Variants in EPHA6 observed in about 807,000 individuals in gnomAD.
EPHA6 encodes the protein ephrin type-A receptor 6.
A neutral mutation model predicts 112.0 loss-of-function variants in EPHA6; 50 were observed. That is an observed-to-expected ratio of 0.45 (90% CI 0.36 to 0.56). The LOEUF is 0.56. Ranked by LOEUF, EPHA6 falls within the 20% of genes least tolerant of loss-of-function variation. The pLI, the probability that EPHA6 is intolerant of heterozygous loss-of-function variation, is 0.00. For missense variants in EPHA6, 1,280 were observed against 1,417.4 expected, an observed-to-expected ratio of 0.90 and a Z score of 1.56; for synonymous variants, 529 against 490.7, an observed-to-expected ratio of 1.08 and a Z score of -1.03.
At chr3:97,098,388 T>C (rs1175568279) in intron 3 of EPHA6, among the ~76,000 whole-genome samples, 1 of 151,964 alleles carries the variant, frequency 6.6e-6, no homozygotes, top group Non-Finnish European at 1.5e-5. Context: ...TAACTTTTGA[T>C]ATGTAGAATT....
At chr3:97,334,714 A>G (rs1303535225) in intron 5 of EPHA6, among the ~76,000 whole-genome samples, 1 of 152,042 alleles carries the variant, frequency 6.6e-6, no homozygotes, top group Non-Finnish European at 1.5e-5. Context: ...GGTCTCTTTC[A>G]TCCTTGTTGA....
chr3:97,709,031 G>T (rs1214923820), intron 14 of EPHA6, among the ~76,000 whole-genome samples: 1 of 152,134 alleles, frequency 6.6e-6, no homozygotes, highest in Admixed American at 6.5e-5. Flanking sequence ...CAATGTAGAG[G>T]GAAAATGTGG....
At chr3:97,559,661 G>A (rs1011466440) in intron 11 of EPHA6, 4 of 454,888 alleles carry the variant, frequency 8.8e-6, no homozygotes, top group African/African-American at 6.0e-5. Flanking sequence ...AGTAAATCAA[G>A]GTACCTGAAA....
chr3:97,567,740 G>A (rs189548674), intron 11 of EPHA6, among the ~76,000 whole-genome samples: 3 of 152,192 alleles, frequency 2.0e-5, no homozygotes, highest in East Asian at 1.9e-4. Context: ...ACCCATGAAC[G>A]TGCAGCCACA....
At chr3:97,736,446 GTA>G in intron 16 of EPHA6, among the ~76,000 whole-genome samples, 1 of 84,296 alleles carries the variant, frequency 1.2e-5, no homozygotes, top group Non-Finnish European at 2.6e-5. Context: ...ACCTTTAGAA[GTA>G]GAGAGAGAGA....
intron 3 of EPHA6, among the ~76,000 whole-genome samples, chr3:97,215,232 G>T (rs2077998737): frequency 6.6e-6 from 1 of 152,132 alleles, no homozygotes; most frequent in South Asian, 2.1e-4. Context: ...TAAAAACACT[G>T]CTAACAATAT....
At chr3:96,976,039 G>A (rs1051633428) in intron 2 of EPHA6, among the ~76,000 whole-genome samples, 3 of 152,022 alleles carry the variant, frequency 2.0e-5, no homozygotes, top group East Asian at 1.9e-4. Context: ...AAAATTAATA[G>A]CAAAATTAAT....
chr3:97,020,019 A>G (rs1185468522), intron 3 of EPHA6, among the ~76,000 whole-genome samples: 1 of 152,156 alleles, frequency 6.6e-6, no homozygotes, highest in Non-Finnish European at 1.5e-5. Flanking sequence ...GGCCTTAGCA[A>G]TAAGGTTTGT....
chr3:97,256,329 T>C (rs1371477705), intron 5 of EPHA6, among the ~76,000 whole-genome samples: 1 of 152,096 alleles, frequency 6.6e-6, no homozygotes, highest in Non-Finnish European at 1.5e-5. Context: ...CAATTATGGT[T>C]CATCAAGGTG....
rs200373885 is a variant in EPHA6, at chr3:97,640,702, C to A, written c.2784+2620C>A. On this transcript the variant is annotated intron_variant, in intron 14 of 17. Coordinates refer to ENST00000389672, the MANE Select transcript of EPHA6 (RefSeq NM_001080448.3). Reference sequence around the variant, plus strand: ...GGCTGAGGCAGGAGAACCGCTTGAACCCAGGAGGCGGAGGTTGCGATGAAC... The same window carrying A: ...GGCTGAGGCAGGAGAACCGCTTGAAACCAGGAGGCGGAGGTTGCGATGAAC... Among the ~76,000 whole-genome samples, 9 of 151,998 alleles carry A rather than the reference C, an allele frequency of 5.9e-5. No individual in the cohort carries two copies. The East Asian group carries it at 1.7e-3, about 29-fold the overall frequency.
intron 14 of EPHA6, among the ~76,000 whole-genome samples, chr3:97,648,066 A>G (rs567698629): frequency 1.3e-5 from 2 of 152,234 alleles, no homozygotes; most frequent in South Asian, 4.1e-4. Flanking sequence ...TAGAAGAATC[A>G]TTTATTGCAA....
intron 3 of EPHA6, among the ~76,000 whole-genome samples, chr3:97,005,065 C>A (rs555871793): frequency 6.6e-6 from 1 of 152,226 alleles, no homozygotes; most frequent in East Asian, 1.9e-4. Context: ...CAGCTTTGTT[C>A]TTTTTGCTTA....
At chr3:96,957,478 G>A (rs2041805970) in intron 2 of EPHA6, among the ~76,000 whole-genome samples, 1 of 152,176 alleles carries the variant, frequency 6.6e-6, no homozygotes, top group Non-Finnish European at 1.5e-5. Flanking sequence ...TCACAATGTA[G>A]ATAATTTGTA....
chr3:97,248,570 T>C (rs772563730), intron 5 of EPHA6, among the ~76,000 whole-genome samples: 1 of 152,126 alleles, frequency 6.6e-6, no homozygotes, highest in South Asian at 2.1e-4. Flanking sequence ...CCAATTCTGC[T>C]GATATTTGCT....
intron 1 of EPHA6, among the ~76,000 whole-genome samples, chr3:96,864,638 A>C (rs2036202930): frequency 6.6e-6 from 1 of 151,988 alleles, no homozygotes; most frequent in African/African-American, 2.4e-5. Flanking sequence ...TGGATGTAGG[A>C]GTTTGTCATG....
At chr3:97,716,574 C>CAAAAAAAAAAAAAAAA (rs1218426459) in intron 14 of EPHA6, among the ~76,000 whole-genome samples, 1 of 37,272 alleles carries the variant, frequency 2.7e-5, no homozygotes, top group African/African-American at 1.7e-4. Context: ...GACTCCGTCT[C>CAAAAAAAAAAAAAAAA]AAAAAAAAAA....
chr3:97,599,764 C>A (rs1441567929), intron 12 of EPHA6, among the ~76,000 whole-genome samples: 1 of 152,052 alleles, frequency 6.6e-6, no homozygotes, highest in Non-Finnish European at 1.5e-5. Flanking sequence ...CTTTTTGGTT[C>A]CATATGAACT....
intron 6 of EPHA6, among the ~76,000 whole-genome samples, chr3:97,426,385 A>AT (rs748689528): frequency 2.6e-5 from 4 of 152,160 alleles, no homozygotes; most frequent in Non-Finnish European, 5.9e-5. Flanking sequence ...CACGAGGCTA[A>AT]TTCACTACCA....
At chr3:97,578,828 T>G (rs537183093) in intron 11 of EPHA6, among the ~76,000 whole-genome samples, 1 of 152,334 alleles carries the variant, frequency 6.6e-6, no homozygotes, top group African/African-American at 2.4e-5. Context: ...TGAATTTTTA[T>G]AACAGTCTTA....
Sources: gnomAD v4.1 joint callset for allele counts (sites outside exome capture counted in the v4.1 genomes callset) on GRCh38, gnomAD v4.1.1 for gene constraint, MANE v1.5 for transcripts, NCBI Gene and HGNC (gene_info 2026-07-23, HGNC 2026-07-21) for gene names.